GRIK3: variants seen among roughly 807,000 people sequenced by gnomAD.
GRIK3 encodes the protein glutamate ionotropic receptor kainate type subunit 3, also known as glutamate receptor ionotropic, kainate 3.
GRIK3 carries 29 observed loss-of-function variants against 102.5 expected under a neutral mutation model. That is an observed-to-expected ratio of 0.28 (90% CI 0.21 to 0.39). The LOEUF is 0.39. Among genes scored for constraint, GRIK3 ranks in the 10% least tolerant of loss-of-function variants. GRIK3 has a pLI of 1.00. For synonymous variants in GRIK3, 511 were observed against 504.9 expected (o/e 1.01, Z -0.16); for missense variants, 908 against 1,252.4 (o/e 0.73, Z 4.15).
At chr1:36,969,019 A>G (rs1642112474) in intron 1 of GRIK3, among the ~76,000 whole-genome samples, 1 of 152,224 alleles carries the variant, frequency 6.6e-6, no homozygotes, top group African/African-American at 2.4e-5. Context: ...TGAAGAAGCC[A>G]GATTAATGAA....
At chr1:37,030,020 C>T (rs1445247941) in intron 1 of GRIK3, among the ~76,000 whole-genome samples, 3 of 152,158 alleles carry the variant, frequency 2.0e-5, no homozygotes, top group Non-Finnish European at 2.9e-5. Context: ...GACTGTTTAG[C>T]GAAGTGCGAG....
chr1:36,846,189 G>A (rs1048808914), intron 9 of GRIK3, among the ~76,000 whole-genome samples: 7 of 152,130 alleles, frequency 4.6e-5, no homozygotes, highest in African/African-American at 1.2e-4. Flanking sequence ...GGCTGGGGCC[G>A]GGCGGTGAGA....
intron 1 of GRIK3, among the ~76,000 whole-genome samples, chr1:37,010,674 C>T (rs1005586432): frequency 8.6e-5 from 13 of 151,156 alleles, no homozygotes; most frequent in Non-Finnish European, 1.6e-4. Context: ...CGTCTGTGTG[C>T]GCTCCAGCGA....
chr1:37,030,130 T>G (rs1331680785), intron 1 of GRIK3, among the ~76,000 whole-genome samples: 1 of 152,212 alleles, frequency 6.6e-6, no homozygotes, highest in African/African-American at 2.4e-5. Flanking sequence ...ATTCCTCAAG[T>G]TAATGCTCTC....
rs1488198293 is a variant in GRIK3, at chr1:36,876,496, A to T, written c.551-4127T>A. Among the ~76,000 whole-genome samples the T allele has an allele frequency of 3.3e-5, 5 of 152,328 alleles. No homozygotes were observed. In the South Asian group the frequency reaches 1.0e-3, roughly 32 times the overall value. ...AGAGCTGTGGCAATACTGACCCAGC[A>T]CCCTGACTTTGTCAAGCTGCTAAAT... is the stretch of plus-strand genomic sequence containing the variant. On this transcript the variant is annotated intron_variant, in intron 3 of 15. Coordinates refer to ENST00000373091, the MANE Select transcript of GRIK3 (RefSeq NM_000831.4).
intron 2 of GRIK3, among the ~76,000 whole-genome samples, chr1:36,890,351 C>T (rs1019953671): frequency 2.6e-5 from 4 of 151,978 alleles, no homozygotes; most frequent in African/African-American, 9.7e-5. Flanking sequence ...GTAGTCCCAG[C>T]TACTCAGGAG....
chr1:36,859,189 T>G lies in GRIK3; in HGVS notation c.1023A>C (p.Pro341=), dbSNP rs1217562102. 1.9e-6 allele frequency: 3 copies of G among 1,613,760 alleles called. No individual in the cohort carries two copies. The highest frequency in any genetic ancestry group is 2.5e-6 in the Non-Finnish European group (3 of 1,179,768). The change falls in exon 7 of 16, where the codon CCA becomes CCC. Residue 341 remains proline (P), a synonymous_variant. Transcript: ENST00000373091. ...HIVSVCYQRA[P]QMTVNSLQCH... is the part of the protein sequence containing the mutation. ...ACTGCAGGGAGTTCACGGTCATCTGTGGTGCCCGCTGGTAGCACACGGACA... is the reference window on the plus strand; with the variant it reads ...ACTGCAGGGAGTTCACGGTCATCTGGGGTGCCCGCTGGTAGCACACGGACA...
intron 1 of GRIK3, among the ~76,000 whole-genome samples, chr1:37,027,539 T>A (rs1468548855): frequency 6.6e-6 from 1 of 152,042 alleles, no homozygotes; most frequent in Non-Finnish European, 1.5e-5. Flanking sequence ...CCTGGAGGTC[T>A]CCCTAGCATC....
At chr1:36,967,289 C>G (rs1298138839) in intron 1 of GRIK3, among the ~76,000 whole-genome samples, 1 of 152,210 alleles carries the variant, frequency 6.6e-6, no homozygotes, top group Non-Finnish European at 1.5e-5. Flanking sequence ...GCACCTCTGC[C>G]CTTTCTATTG....
At chr1:36,944,384 G>A (rs78778404) in intron 1 of GRIK3, among the ~76,000 whole-genome samples, 1,617 of 152,288 alleles carry the variant, frequency 0.011, 30 homozygotes, top group African/African-American at 0.036. Flanking sequence ...TCAGGCCGAA[G>A]GGGCTGCAGG....
chr1:37,033,919 G>A, intron 1 of GRIK3, 75 bp downstream of exon 1: 1 of 776,764 alleles, frequency 1.3e-6, no homozygotes, highest in East Asian at 3.2e-5. Context: ...AATCTCTCCG[G>A]AACGCGTTGG....
intron 1 of GRIK3, among the ~76,000 whole-genome samples, chr1:36,975,996 A>T (rs1020973351): frequency 6.6e-6 from 1 of 152,246 alleles, no homozygotes; most frequent in Non-Finnish European, 1.5e-5. Flanking sequence ...AGTGAACAGG[A>T]TTTGCTTTAA....
rs146986818 is a variant in GRIK3 at position 37,021,214 on chromosome 1, T to A, written c.115+12780A>T. 3.0e-3 allele frequency among the ~76,000 whole-genome samples: 455 copies of A among 152,162 alleles called. 1 individual carries two copies. The highest frequency in any genetic ancestry group is 0.01 in the African/African-American group (433 of 41,504). On this transcript the variant is annotated intron_variant, in intron 1 of 15. Coordinates refer to ENST00000373091, the MANE Select transcript of GRIK3 (RefSeq NM_000831.4). ...GGGTCAGAGGACCCATACAGTTGTCTGTTTTTTTCCCATGGCTCACCAAGG... is the reference window on the plus strand; with the variant it reads ...GGGTCAGAGGACCCATACAGTTGTCAGTTTTTTTCCCATGGCTCACCAAGG...
intron 2 of GRIK3, among the ~76,000 whole-genome samples, chr1:36,888,093 G>T (rs766244091): frequency 5.9e-5 from 9 of 151,998 alleles, no homozygotes; most frequent in Non-Finnish European, 1.2e-4. Context: ...ACATCTACAT[G>T]AACGTCCACA....
chr1:36,933,125 C>A (rs1641615006), intron 1 of GRIK3, among the ~76,000 whole-genome samples: 1 of 152,158 alleles, frequency 6.6e-6, no homozygotes, highest in Non-Finnish European at 1.5e-5. Context: ...ACTAAAGCGG[C>A]TTGTCACTGA....
intron 1 of GRIK3, among the ~76,000 whole-genome samples, chr1:36,998,805 G>GC (rs1381551187): frequency 2.6e-5 from 4 of 152,156 alleles, no homozygotes; most frequent in African/African-American, 9.7e-5. Context: ...CAGTAAGGAG[G>GC]AGCATAGCAA....
chr1:36,953,848 C>A (rs1305042092), intron 1 of GRIK3, among the ~76,000 whole-genome samples: 1 of 152,138 alleles, frequency 6.6e-6, no homozygotes, highest in Non-Finnish European at 1.5e-5. Flanking sequence ...CCTGAAGAAG[C>A]TCCCCTGGAG....
chr1:36,926,785 C>T (rs937472105), intron 1 of GRIK3, among the ~76,000 whole-genome samples: 3 of 152,174 alleles, frequency 2.0e-5, no homozygotes, highest in African/African-American at 7.2e-5. Flanking sequence ...ACCTCTTAGG[C>T]AACCCACGTT....
chr1:36,966,930 A>T (rs1642085382), intron 1 of GRIK3, among the ~76,000 whole-genome samples: 1 of 152,180 alleles, frequency 6.6e-6, no homozygotes, highest in Admixed American at 6.5e-5. Flanking sequence ...GCTTGTTTTG[A>T]GGGATACAAT....
Sources: gnomAD v4.1 joint callset for allele counts (sites outside exome capture counted in the v4.1 genomes callset) on GRCh38, gnomAD v4.1.1 for gene constraint, MANE v1.5 for transcripts, NCBI Gene and HGNC (gene_info 2026-07-23, HGNC 2026-07-21) for gene names.